Variants in CNTN5 observed in about 807,000 individuals in gnomAD.
The protein encoded by CNTN5 is contactin 5.
In CNTN5, 77 loss-of-function variants were observed where a neutral mutation model predicts 129.1. The ratio of observed to expected loss-of-function variants is 0.60; its 90% CI spans 0.50 to 0.72. The LOEUF (loss-of-function observed/expected upper bound fraction) is 0.72. Among genes scored for constraint, CNTN5 ranks in the 30% least tolerant of loss-of-function variants. The pLI is 0.00. For missense variants in CNTN5, 1,478 were observed against 1,328.8 expected (o/e 1.11, Z -1.75); for synonymous variants, 509 against 465.6 (o/e 1.09, Z -1.20).
chr11:100,002,467 A>G (rs891919442), intron 9 of CNTN5, among the ~76,000 whole-genome samples: 9 of 152,196 alleles, frequency 5.9e-5, no homozygotes, highest in African/African-American at 1.7e-4. Context: ...TAAAGAAGAT[A>G]GAAAGGCAAA....
intron 8 of CNTN5, among the ~76,000 whole-genome samples, chr11:99,966,737 C>T (rs942534561): frequency 2.6e-5 from 4 of 152,152 alleles, no homozygotes; most frequent in African/African-American, 9.7e-5. Flanking sequence ...TTTCACAGCC[C>T]TAGCACACAT....
chr11:99,029,241 C>T (rs1362133454), intron 1 of CNTN5, among the ~76,000 whole-genome samples: 3 of 151,420 alleles, frequency 2.0e-5, no homozygotes, highest in East Asian at 1.9e-4. Context: ...TTTAATGAGA[C>T]ACAATCCTGT....
intron 21 of CNTN5, chr11:100,309,531 T>C (rs116955053): frequency 1.0e-6 from 1 of 973,792 alleles, no homozygotes; most frequent in African/African-American, 1.8e-5. Flanking sequence ...AATTAATTAT[T>C]TGGAATGATA....
chr11:99,353,608 G>T (rs1938445773), intron 2 of CNTN5, among the ~76,000 whole-genome samples: 1 of 152,170 alleles, frequency 6.6e-6, no homozygotes, highest in African/African-American at 2.4e-5. Context: ...CTTTGCATAT[G>T]TATGGCTAAG....
Position 99,765,245 on chromosome 11 carries a change from T to A in CNTN5, c.56-54299T>A, listed in dbSNP as rs547394303. Among the ~76,000 whole-genome samples the A allele has an allele frequency of 3.7e-3, 569 of 152,060 alleles. 4 individuals carry two copies. Among genetic ancestry groups the A allele is most frequent in the African/African-American group, 0.013 (545 of 41,508 alleles). Reference sequence around the variant, plus strand: ...TATATTCAATTTTTTCTAAAAATAATTGGGATTAAAGAAAAATAGTAAATA... The same window carrying A: ...TATATTCAATTTTTTCTAAAAATAAATGGGATTAAAGAAAAATAGTAAATA... On this transcript the variant is annotated intron_variant, in intron 3 of 24. Transcript: ENST00000524871.
chr11:99,464,480 T>G (rs913074576), intron 2 of CNTN5, among the ~76,000 whole-genome samples: 1 of 152,166 alleles, frequency 6.6e-6, no homozygotes, highest in Non-Finnish European at 1.5e-5. Context: ...TTAAATATAT[T>G]TATAGGTGAT....
At chr11:100,240,973 G>A (rs1949728817) in intron 16 of CNTN5, among the ~76,000 whole-genome samples, 1 of 152,162 alleles carries the variant, frequency 6.6e-6, no homozygotes, top group African/African-American at 2.4e-5. Flanking sequence ...TTTTCTTGAT[G>A]TTAGTCTGCA....
intron 1 of CNTN5, among the ~76,000 whole-genome samples, chr11:99,025,024 A>G (rs1021341371): frequency 3.3e-5 from 5 of 152,022 alleles, no homozygotes; most frequent in African/African-American, 9.7e-5. Flanking sequence ...TTAAAAACTC[A>G]TAATGATCTA....
chr11:99,637,528 C>T (rs1690807), intron 3 of CNTN5, among the ~76,000 whole-genome samples: 91,356 of 151,802 alleles, frequency 0.6, 28,306 homozygotes, highest in Admixed American at 0.69. Flanking sequence ...GTGCCAATTA[C>T]TAAAAAATAA....
intron 3 of CNTN5, among the ~76,000 whole-genome samples, chr11:99,731,360 G>A (rs1370664254): frequency 6.6e-6 from 1 of 151,942 alleles, no homozygotes. Context: ...ATCCACCTAA[G>A]AGTTTATCTT....
chr11:99,740,022 T>G (rs778413345), intron 3 of CNTN5, among the ~76,000 whole-genome samples: 5 of 151,180 alleles, frequency 3.3e-5, no homozygotes, highest in Non-Finnish European at 7.4e-5. Flanking sequence ...TAAATCTATC[T>G]TCGATCTCAA....
intron 3 of CNTN5, among the ~76,000 whole-genome samples, chr11:99,565,599 A>G (rs1034868641): frequency 2.0e-5 from 3 of 152,142 alleles, no homozygotes; most frequent in African/African-American, 7.2e-5. Context: ...TTCAAAGAGA[A>G]TCATTTACAA....
intron 3 of CNTN5, among the ~76,000 whole-genome samples, chr11:99,813,018 C>T (rs1946476354): frequency 9.3e-6 from 1 of 107,532 alleles, no homozygotes; most frequent in South Asian, 2.8e-4. Flanking sequence ...ACCAATTTAC[C>T]AATTGGTAAA....
intron 2 of CNTN5, among the ~76,000 whole-genome samples, chr11:99,494,072 G>C (rs1946135412): frequency 6.6e-6 from 1 of 152,304 alleles, no homozygotes; most frequent in South Asian, 2.1e-4. Context: ...AAAATCTATA[G>C]AGATGCCTCC....
chr11:100,293,257 G>C (rs1225020717), intron 18 of CNTN5, among the ~76,000 whole-genome samples: 1 of 151,708 alleles, frequency 6.6e-6, no homozygotes, highest in African/African-American at 2.4e-5. Flanking sequence ...CTATCTTCTT[G>C]ACTATTGCCA....
intron 3 of CNTN5, among the ~76,000 whole-genome samples, chr11:99,665,326 G>A (rs1273650630): frequency 6.6e-6 from 1 of 151,936 alleles, no homozygotes; most frequent in Non-Finnish European, 1.5e-5. Flanking sequence ...AAATGTCTGG[G>A]CATTTTTGAA....
chr11:99,104,778 G>A (rs1866919257), intron 1 of CNTN5, among the ~76,000 whole-genome samples: 1 of 151,950 alleles, frequency 6.6e-6, no homozygotes. Flanking sequence ...GGTGAATGAG[G>A]CATTTGCCAT....
chr11:100,055,548 G>A (rs10791135), intron 9 of CNTN5, among the ~76,000 whole-genome samples: 65,745 of 151,212 alleles, frequency 0.43, 15,113 homozygotes, highest in African/African-American at 0.57. Context: ...AAAATTTACA[G>A]GATACAAAAT....
chr11:99,693,367 A>G (rs1954121842), intron 3 of CNTN5, among the ~76,000 whole-genome samples: 1 of 152,146 alleles, frequency 6.6e-6, no homozygotes, highest in African/African-American at 2.4e-5. Context: ...TTTTAAAACA[A>G]ACAATTATAG....
Sources: allele counts gnomAD v4.1 joint callset (sites outside exome capture counted in the v4.1 genomes callset), GRCh38; gene constraint gnomAD v4.1.1; transcripts MANE v1.5; gene names NCBI Gene and HGNC (gene_info 2026-07-23, HGNC 2026-07-21).